SCN3B: variants seen among roughly 807,000 people sequenced by gnomAD.
SCN3B encodes the protein sodium voltage-gated channel beta subunit 3, also known as sodium channel regulatory subunit beta-3.
Under a neutral mutation model 25.4 loss-of-function variants are expected in SCN3B, and 11 were observed. The observed-to-expected ratio is 0.43, with a 90% CI of 0.27 to 0.72. The LOEUF is 0.72. Ranked by LOEUF, SCN3B falls within the 30% of genes least tolerant of loss-of-function variation. The pLI is 0.18. For synonymous variants in SCN3B, 109 were observed against 110.7 expected (o/e 0.99, Z 0.09); for missense variants, 218 against 278.3 (o/e 0.78, Z 1.54).
chr11:123,648,299 T>C (rs1955878415), intron 2 of SCN3B, among the ~76,000 whole-genome samples: 2 of 152,276 alleles, frequency 1.3e-5, no homozygotes, highest in African/African-American at 4.8e-5. Flanking sequence ...ATGTAATCTC[T>C]CTGGACTCAG....
chr11:123,640,881 A>T (rs1420106043), intron 4 of SCN3B: 2 of 152,186 alleles, frequency 1.3e-5, no homozygotes, highest in African/African-American at 4.8e-5. Flanking sequence ...TAAATAAATG[A>T]TATCCACGCT....
At chr11:123,638,595 C>T (rs564143364) in intron 4 of SCN3B, 3 of 483,878 alleles carry the variant, frequency 6.2e-6, no homozygotes, top group South Asian at 4.2e-5. Context: ...ATATCTAGAG[C>T]TGGCTGTCCA....
rs951282353 is a variant in SCN3B at position 123,629,835 on chromosome 11, T to G, written c.*3964A>C. 1.6e-4 allele frequency: 24 copies of G among 152,208 alleles called. No individual in the cohort carries two copies. The highest frequency in any genetic ancestry group is 5.5e-4 in the African/African-American group (23 of 41,464). 9.4% of individuals were successfully genotyped at this position (152,208 alleles called of 1,614,324 possible). On this transcript the variant is annotated 3_prime_UTR_variant, in exon 7 of 7. Transcript: ENST00000299333. ...GGCTTCTTTTGTTTTTGTTTTTCAT[T>G]TTTTTCTTTTTTCATTTTCATGTTA... is the stretch of plus-strand genomic sequence containing the variant.
chr11:123,641,575 T>C (rs1424857439), intron 4 of SCN3B, among the ~76,000 whole-genome samples: 2 of 152,126 alleles, frequency 1.3e-5, no homozygotes, highest in Non-Finnish European at 1.5e-5. Flanking sequence ...GCAGTGATAA[T>C]GCTGGAGATA....
intron 3 of SCN3B, among the ~76,000 whole-genome samples, chr11:123,644,800 A>AGAGAGAGAGAGAGAAT (rs1272015067): frequency 1.5e-4 from 7 of 45,588 alleles, no homozygotes; most frequent in African/African-American, 5.4e-4. Context: ...AGAGAGAGAG[A>AGAGAGAGAGAGAGAAT]ATATATATAT....
In SCN3B at chr11:123,642,450, C is replaced by A; in HGVS notation, c.441G>T (p.Glu147Asp). The change falls in exon 4 of 7, where the codon GAG (glutamate) becomes GAT (aspartate). Residue 147 changes from glutamate to aspartate, a missense_variant. Glu to Asp is a conservative substitution (Grantham distance 45, BLOSUM62 2). Transcript: ENST00000299333. The surrounding 1 kb of genome is among the most constrained non-coding windows in gnomAD (Gnocchi z 4.3). ...TTRLIPLRVT[E>D]EAGEDFTSVV... ...GACCCTGTGCCTCAGCCTCACCCTCCTCGGTGACTCTTAGGGGGATCAGCC... is the reference window on the plus strand; with the variant it reads ...GACCCTGTGCCTCAGCCTCACCCTCATCGGTGACTCTTAGGGGGATCAGCC... The A allele has an allele frequency of 1.2e-6, 2 of 1,614,142 alleles. No homozygotes were observed. The highest frequency in any genetic ancestry group is 1.7e-6 in the Non-Finnish European group (2 of 1,180,002).
chr11:123,634,607 T>C (rs2137231623), intron 5 of SCN3B, among the ~76,000 whole-genome samples: 1 of 152,310 alleles, frequency 6.6e-6, no homozygotes, highest in East Asian at 1.9e-4. Context: ...CCTGGCATGG[T>C]GGCACGTGCC....
chr11:123,637,526 G>A (rs1216080615), intron 5 of SCN3B, among the ~76,000 whole-genome samples: 1 of 151,926 alleles, frequency 6.6e-6, no homozygotes, highest in East Asian at 1.9e-4. Context: ...GTGTTTTTGG[G>A]CTTTTATTGT....
rs921775292 is a variant in SCN3B at position 123,629,190 on chromosome 11, G to A, written c.*4609C>T. On this transcript the variant is annotated 3_prime_UTR_variant, in exon 7 of 7. Transcript: ENST00000299333. ...AAGTAGAGCAAAACCAGAGACAGTG[G>A]TTTTCAGGGATACTTTATTGACATG... 1.3e-5 allele frequency: 2 copies of A among 152,224 alleles called. No individual in the cohort carries two copies. Among genetic ancestry groups the A allele is most frequent in the African/African-American group, 4.8e-5 (2 of 41,450 alleles). 9.4% of individuals were successfully genotyped at this position (152,224 alleles called of 1,614,324 possible).
intron 4 of SCN3B, chr11:123,641,062 C>CAGAGGTGG (rs1955784440): frequency 6.6e-6 from 1 of 152,278 alleles, no homozygotes. Context: ...CCCGAGAGAG[C>CAGAGGTGG]AGAGGTGGAG....
intron 3 of SCN3B, among the ~76,000 whole-genome samples, chr11:123,643,660 T>C (rs113247002): frequency 1.3e-5 from 2 of 152,256 alleles, no homozygotes; most frequent in Non-Finnish European, 2.9e-5. Context: ...TCCATGGATG[T>C]TTTGCTGTTG....
intron 1 of SCN3B, 81 bp downstream of exon 1, chr11:123,654,145 C>A: frequency 2.3e-6 from 1 of 438,224 alleles, no homozygotes. Flanking sequence ...CGCTCGTTTG[C>A]GCCCAGGGTA....
intron 2 of SCN3B, among the ~76,000 whole-genome samples, chr11:123,653,400 G>A (rs1338182583): frequency 6.6e-6 from 1 of 151,252 alleles, no homozygotes; most frequent in African/African-American, 2.4e-5. Context: ...ACTCCTTGAT[G>A]AGAAATAAAA....
chr11:123,634,946 A>C (rs1486342966), intron 5 of SCN3B, among the ~76,000 whole-genome samples: 1 of 152,172 alleles, frequency 6.6e-6, no homozygotes. Context: ...AATTTTGCTT[A>C]TGGAGTCTTC....
At chr11:123,653,982 T>A in intron 1 of SCN3B, 156 bp from the exon 2 acceptor site, 1 of 675,470 alleles carries the variant, frequency 1.5e-6, no homozygotes, top group Non-Finnish European at 2.6e-6. Flanking sequence ...TGGAGCCGGG[T>A]GGGGGCTTTG....
intron 5 of SCN3B, among the ~76,000 whole-genome samples, chr11:123,635,624 T>A (rs957110716): frequency 1.3e-5 from 2 of 151,040 alleles, no homozygotes; most frequent in Non-Finnish European, 2.9e-5. Context: ...AGGCAGAGCT[T>A]GGAGTGAGCC....
chr11:123,647,116 G>T (rs751674236), intron 2 of SCN3B, among the ~76,000 whole-genome samples: 78 of 152,214 alleles, frequency 5.1e-4, no homozygotes, highest in African/African-American at 1.8e-3. Flanking sequence ...TATGATTTTG[G>T]AGCTGTTCAC....
intron 3 of SCN3B, among the ~76,000 whole-genome samples, chr11:123,644,882 T>TAC (rs1219553050): frequency 8.4e-4 from 125 of 148,728 alleles, no homozygotes; most frequent in African/African-American, 2.9e-3. Flanking sequence ...TATATATATA[T>TAC]ACACACACAT....
At position 123,642,693 on chromosome 11, in the gene SCN3B, A is replaced by T; in HGVS notation, c.220-22T>A. ...AAATCTGCAGATAGAGGAGCAGAAGAGGGTAGGGCCAGGAAAGGAGATGGC... is the reference window on the plus strand; with the variant it reads ...AAATCTGCAGATAGAGGAGCAGAAGTGGGTAGGGCCAGGAAAGGAGATGGC... On this transcript the variant is annotated intron_variant, in intron 3 of 6. Transcript: ENST00000299333. This position sits in a 1 kb window ranked among gnomAD's most constrained non-coding sequence, Gnocchi z 4.3. 1 of 1,595,796 alleles carries T rather than the reference A, an allele frequency of 6.3e-7. No homozygotes were observed. The highest frequency in any genetic ancestry group is 8.6e-7 in the Non-Finnish European group (1 of 1,164,476).
Sources: allele counts gnomAD v4.1 joint callset (sites outside exome capture counted in the v4.1 genomes callset), GRCh38; gene constraint gnomAD v4.1.1; non-coding constraint Gnocchi (gnomAD v3.1); transcripts MANE v1.5; gene names NCBI Gene and HGNC (gene_info 2026-07-23, HGNC 2026-07-21).